Variants in GRM8 observed in about 807,000 individuals in gnomAD.
GRM8 encodes glutamate metabotropic receptor 8, also known as metabotropic glutamate receptor 8.
Under a neutral mutation model 87.2 loss-of-function variants are expected in GRM8, and 47 were observed. The ratio of observed to expected loss-of-function variants is 0.54; its 90% CI spans 0.43 to 0.69. The LOEUF (loss-of-function observed/expected upper bound fraction) is 0.69, where lower values mean the gene tolerates loss of function less well. Ranked by LOEUF, GRM8 falls within the 30% of genes least tolerant of loss-of-function variation. The pLI, the probability that GRM8 is intolerant of heterozygous loss-of-function variation, is 0.00. For missense variants in GRM8, 1,019 were observed against 1,139.2 expected (o/e 0.89, Z 1.52); for synonymous variants, 396 against 404.5 (o/e 0.98, Z 0.25).
At chr7:126,994,798 C>T (rs908028414) in intron 3 of GRM8, among the ~76,000 whole-genome samples, 1 of 152,214 alleles carries the variant, frequency 6.6e-6, no homozygotes, top group Admixed American at 6.5e-5. Flanking sequence ...CATCTCTAGA[C>T]CTGCATGGGT....
At chr7:127,110,243 C>T (rs1034697878) in intron 2 of GRM8, among the ~76,000 whole-genome samples, 6 of 152,158 alleles carry the variant, frequency 3.9e-5, no homozygotes, top group African/African-American at 1.2e-4. Context: ...CCTTTCATTA[C>T]CCCTGGGTGT....
At chr7:126,942,750 A>C (rs1807099320) in intron 3 of GRM8, among the ~76,000 whole-genome samples, 1 of 152,174 alleles carries the variant, frequency 6.6e-6, no homozygotes, top group African/African-American at 2.4e-5. Flanking sequence ...AGTGAAGATG[A>C]GACTCACCGG....
At chr7:126,948,206 G>A (rs1807753258) in intron 3 of GRM8, among the ~76,000 whole-genome samples, 1 of 151,982 alleles carries the variant, frequency 6.6e-6, no homozygotes, top group Middle Eastern at 3.2e-3. Flanking sequence ...GAATTTATGG[G>A]ATGCTCTGAG....
At chr7:127,089,970 G>A (rs937070554) in intron 3 of GRM8, among the ~76,000 whole-genome samples, 2 of 152,172 alleles carry the variant, frequency 1.3e-5, no homozygotes, top group Non-Finnish European at 2.9e-5. Context: ...ACAAACTGCG[G>A]TTGGCCAAGA....
intron 6 of GRM8, among the ~76,000 whole-genome samples, chr7:126,777,503 C>T (rs1435578444): frequency 6.6e-6 from 1 of 152,064 alleles, no homozygotes; most frequent in Non-Finnish European, 1.5e-5. Context: ...TTATCTTTTG[C>T]TTCTCCAAAT....
chr7:127,246,528 C>T (rs1798591645), intron 1 of GRM8, among the ~76,000 whole-genome samples: 4 of 152,096 alleles, frequency 2.6e-5, no homozygotes, highest in East Asian at 1.9e-4. Context: ...AGGGAGAGGC[C>T]GTGGAACCCT....
intron 7 of GRM8, among the ~76,000 whole-genome samples, chr7:126,666,437 T>A (rs1293972684): frequency 6.6e-6 from 1 of 152,150 alleles, no homozygotes; most frequent in Non-Finnish European, 1.5e-5. Context: ...AAAGACCAGT[T>A]GCACAAAAAT....
intron 9 of GRM8, among the ~76,000 whole-genome samples, chr7:126,490,672 C>A (rs1807899537): frequency 6.6e-6 from 1 of 151,982 alleles, no homozygotes; most frequent in Non-Finnish European, 1.5e-5. Context: ...CCTCTGCTGC[C>A]TCCCCTGTTT....
chr7:126,966,085 A>C (rs1586618210), intron 3 of GRM8, among the ~76,000 whole-genome samples: 1 of 152,158 alleles, frequency 6.6e-6, no homozygotes, highest in African/African-American at 2.4e-5. Flanking sequence ...ATAAGAATAT[A>C]AGAAATGATT....
chr7:126,825,117 G>C (rs1563221844), intron 6 of GRM8, among the ~76,000 whole-genome samples: 1 of 152,150 alleles, frequency 6.6e-6, no homozygotes, highest in Admixed American at 6.5e-5. Flanking sequence ...GCCCAGGCTG[G>C]AGTGCAGTGG....
At chr7:126,892,283 T>C (rs1801116158) in intron 6 of GRM8, among the ~76,000 whole-genome samples, 1 of 151,888 alleles carries the variant, frequency 6.6e-6, no homozygotes, top group African/African-American at 2.4e-5. Context: ...CCTAATGCTA[T>C]CCCTCCCCAA....
At position 126,762,536 on chromosome 7, in the gene GRM8, T is replaced by C. The variant is rs117653068; in HGVS notation, c.1357+7329A>G. 4.7e-3 allele frequency among the ~76,000 whole-genome samples: 712 copies of C among 152,174 alleles called. 3 individuals are homozygous for C. The highest frequency in any genetic ancestry group is 7.7e-3 in the Non-Finnish European group (523 of 67,984). On this transcript the variant is annotated intron_variant, in intron 7 of 10. Transcript: ENST00000339582. ...CTTGTTTATGGACAGAAGAGCTAAG[T>C]ATGGGAAAAACGTTAATTCTTTCTG...
chr7:126,489,667 A>C (rs1417689096), intron 9 of GRM8, among the ~76,000 whole-genome samples: 2 of 152,056 alleles, frequency 1.3e-5, no homozygotes, highest in Non-Finnish European at 2.9e-5. Context: ...CATCCACAGC[A>C]ACCTTAATTT....
chr7:127,228,243 GA>G (rs1369290180), intron 2 of GRM8: 3 of 152,166 alleles, frequency 2.0e-5, no homozygotes, highest in Non-Finnish European at 4.4e-5. Flanking sequence ...TTCCTCATCT[GA>G]AAACCATACC....
At chr7:126,616,771 T>A (rs1014094939) in intron 7 of GRM8, among the ~76,000 whole-genome samples, 5 of 151,710 alleles carry the variant, frequency 3.3e-5, no homozygotes, top group African/African-American at 1.2e-4. Context: ...AACTAGAAAA[T>A]CTAGAAGAAA....
chr7:126,481,839 G>T (rs1269978619), intron 9 of GRM8, among the ~76,000 whole-genome samples: 3 of 152,036 alleles, frequency 2.0e-5, no homozygotes, highest in African/African-American at 7.2e-5. Context: ...ACTTACCATA[G>T]TTATATGCAA....
At chr7:127,167,894 A>C (rs1793549189) in intron 2 of GRM8, among the ~76,000 whole-genome samples, 1 of 152,184 alleles carries the variant, frequency 6.6e-6, no homozygotes, top group Admixed American at 6.5e-5. Context: ...AAAGACCTAA[A>C]ACCATGAAAA....
At chr7:126,634,243 T>A (rs1801630931) in intron 7 of GRM8, among the ~76,000 whole-genome samples, 1 of 152,094 alleles carries the variant, frequency 6.6e-6, no homozygotes, top group African/African-American at 2.4e-5. Context: ...TCTGCAAAAA[T>A]AAAAAGTCAG....
intron 3 of GRM8, among the ~76,000 whole-genome samples, chr7:127,074,645 A>T (rs898434993): frequency 3.9e-5 from 6 of 152,166 alleles, no homozygotes; most frequent in Admixed American, 3.3e-4. Context: ...CCCATTATAC[A>T]AGTTGCTTTG....
Sources: allele counts gnomAD v4.1 joint callset (sites outside exome capture counted in the v4.1 genomes callset), GRCh38; gene constraint gnomAD v4.1.1; transcripts MANE v1.5; gene names NCBI Gene and HGNC (gene_info 2026-07-23, HGNC 2026-07-21).